The following NUP214 variants were observed in gnomAD, a reference collection of about 807,000 sequenced individuals.
NUP214 encodes nucleoporin 214.
NUP214 carries 79 observed loss-of-function variants against 196.2 expected under a neutral mutation model. That is an observed-to-expected ratio of 0.40 (90% CI 0.34 to 0.49). NUP214 has a LOEUF of 0.49. Among genes scored for constraint, NUP214 ranks in the 20% least tolerant of loss-of-function variants. The pLI, the probability that NUP214 is intolerant of heterozygous loss-of-function variation, is 0.58. For synonymous variants in NUP214, 1,020 were observed against 990.5 expected (o/e 1.03, Z -0.56); for missense variants, 2,468 against 2,539.0 (o/e 0.97, Z 0.60).
At chr9:131,177,958 C>G (rs992834777) in intron 23 of NUP214, among the ~76,000 whole-genome samples, 38 of 152,192 alleles carry the variant, frequency 2.5e-4, no homozygotes, top group African/African-American at 9.2e-4. Flanking sequence ...GGCAGAAATC[C>G]TGAGTCTAGA....
chr9:131,150,223 A>T, intron 14 of NUP214, 101 bp from the exon 15 acceptor site: 1 of 912,814 alleles, frequency 1.1e-6, no homozygotes, highest in South Asian at 1.5e-5. Flanking sequence ...TGAAGAAATA[A>T]TGACTGTGTT....
rs11244306 is a variant in NUP214, at chr9:131,160,086, A to T, written c.2540+600A>T. The stretch of plus-strand genomic sequence containing the variant: ...TATGGTCGCTTTTTTTCTTAACTAC[A>T]GAATACCCTGTAACCATTGACTAGC... On this transcript the variant is annotated intron_variant, in intron 18 of 35. Coordinates refer to ENST00000359428, the MANE Select transcript of NUP214 (RefSeq NM_005085.4). 2.7e-3 allele frequency among the ~76,000 whole-genome samples: 413 copies of T among 152,252 alleles called. 3 individuals are homozygous for T. Among genetic ancestry groups the T allele is most frequent in the African/African-American group, 9.6e-3 (398 of 41,560 alleles).
At chr9:131,138,987 A>G (rs1305038703) in intron 9 of NUP214, among the ~76,000 whole-genome samples, 1 of 152,170 alleles carries the variant, frequency 6.6e-6, no homozygotes, top group East Asian at 1.9e-4. Flanking sequence ...GGTACCTCAG[A>G]AAATGTTCAT....
At chr9:131,215,461 G>GAA (rs200066503) in intron 31 of NUP214, 93 bp downstream of exon 31, 4 of 1,273,866 alleles carry the variant, frequency 3.1e-6, no homozygotes, top group Non-Finnish European at 4.1e-6. Context: ...AATATAAAAA[G>GAA]AAAAAAAAAT....
intron 21 of NUP214, among the ~76,000 whole-genome samples, chr9:131,171,607 G>A (rs1417009324): frequency 6.8e-6 from 1 of 148,128 alleles, no homozygotes; most frequent in East Asian, 2.0e-4. Context: ...CAATGTGCAG[G>A]TTAGTTACAT....
At chr9:131,227,802 G>C (rs1485586011) in intron 32 of NUP214, among the ~76,000 whole-genome samples, 5 of 152,134 alleles carry the variant, frequency 3.3e-5, no homozygotes, top group Admixed American at 3.3e-4. Context: ...GGACCTGGGA[G>C]GGGTGGAAGG....
chr9:131,231,126 G>A (rs1170200213), intron 34 of NUP214, among the ~76,000 whole-genome samples: 2 of 152,144 alleles, frequency 1.3e-5, no homozygotes, highest in Admixed American at 1.3e-4. Flanking sequence ...TCCAGCCTGG[G>A]TGACAGAATG....
At chr9:131,157,491 G>A (rs1161408532) in intron 17 of NUP214, among the ~76,000 whole-genome samples, 1 of 127,666 alleles carries the variant, frequency 7.8e-6, no homozygotes, top group Non-Finnish European at 1.6e-5. Flanking sequence ...TTGAGAGAGA[G>A]TCTCACTCTG....
intron 21 of NUP214, among the ~76,000 whole-genome samples, chr9:131,168,475 A>G (rs924341924): frequency 4.6e-5 from 7 of 152,198 alleles, no homozygotes. Flanking sequence ...GAACATTTCC[A>G]TCACTTAAAA....
chr9:131,159,371 T>A lies in NUP214; in HGVS notation c.2437-12T>A. On this transcript the variant is annotated splice_polypyrimidine_tract_variant and intron_variant, in intron 17 of 35. Coordinates refer to ENST00000359428, the MANE Select transcript of NUP214 (RefSeq NM_005085.4). The stretch of plus-strand genomic sequence containing the variant: ...AAAACAAGTTATTTGCCTTTTAATT[T>A]TTTTCTTATAGGAAATTCGGCGCCT... The A allele has an allele frequency of 1.9e-6, 3 of 1,605,946 alleles. No individual in the cohort carries two copies. The highest frequency in any genetic ancestry group is 2.6e-6 in the Non-Finnish European group (3 of 1,175,380).
In NUP214 at chr9:131,208,550, A is replaced by T. The variant is rs1411426038; in HGVS notation, c.5593-6662A>T. Reference sequence around the variant, plus strand: ...GTCTCTATTAAAAATACAAAAAATTATCCAGGCGTGGTGGCGGGTGCCTGT... The same window carrying T: ...GTCTCTATTAAAAATACAAAAAATTTTCCAGGCGTGGTGGCGGGTGCCTGT... On this transcript the variant is annotated intron_variant, in intron 30 of 35. Coordinates refer to ENST00000359428, the MANE Select transcript of NUP214 (RefSeq NM_005085.4). Among the ~76,000 whole-genome samples, 3 of 151,944 alleles carry T rather than the reference A, an allele frequency of 2.0e-5. No individual in the cohort carries two copies. In the East Asian group the frequency reaches 5.8e-4, roughly 30 times the overall value.
chr9:131,126,483 G>A (rs1040173185), intron 1 of NUP214: 1 of 152,042 alleles, frequency 6.6e-6, no homozygotes, highest in South Asian at 2.1e-4. Context: ...AAGATTTTAG[G>A]CATCTGTGTG....
chr9:131,211,944 G>T (rs567162551), intron 30 of NUP214, among the ~76,000 whole-genome samples: 1 of 152,204 alleles, frequency 6.6e-6, no homozygotes, highest in African/African-American at 2.4e-5. Context: ...GGGCCTGACT[G>T]CCTGAGGGGC....
chr9:131,226,391 C>A (rs1228970725), intron 32 of NUP214, among the ~76,000 whole-genome samples: 1 of 151,976 alleles, frequency 6.6e-6, no homozygotes, highest in African/African-American at 2.4e-5. Context: ...TTGGCTGTGA[C>A]CCAGGTGTGT....
In NUP214 at chr9:131,132,657, G is replaced by C. The variant is rs747475458; in HGVS notation, c.725G>C (p.Arg242Thr). The C allele has an allele frequency of 8.7e-6, 14 of 1,613,586 alleles. No homozygotes were observed. Among genetic ancestry groups the C allele is most frequent in the Non-Finnish European group, 1.1e-5 (13 of 1,179,650 alleles). ...TTTTATGAGTCAGATCATCCTGTCA[G>C]AGGTAACAACTGCTTTTCTTATTGG... ...PPFYESDHPV[R>T]VLDVLWIGTY... The change falls in exon 6 of 36, where the codon AGA (arginine) becomes ACA (threonine). Residue 242 changes from arginine to threonine, a missense_variant and splice_region_variant. Physicochemically the swap from Arg to Thr is moderately conservative, Grantham distance 71. Transcript: ENST00000359428.
chr9:131,147,681 C>A, intron 14 of NUP214, 97 bp downstream of exon 14: 1 of 932,778 alleles, frequency 1.1e-6, no homozygotes, highest in Non-Finnish European at 1.7e-6. Flanking sequence ...ATAATTCAGA[C>A]CTTGGACATA....
chr9:131,143,490 A>G (rs1831988964), intron 11 of NUP214, among the ~76,000 whole-genome samples: 1 of 152,162 alleles, frequency 6.6e-6, no homozygotes, highest in Non-Finnish European at 1.5e-5. Context: ...ACCAGTGATA[A>G]AAAGTTTCAG....
rs775764600 is a variant in NUP214 at position 131,132,679 on chromosome 9, T to C, written c.727+20T>C. The C allele has an allele frequency of 3.1e-6, 5 of 1,604,302 alleles. No individual in the cohort carries two copies. The highest frequency in any genetic ancestry group is 1.7e-5 in the Admixed American group (1 of 60,016). ...TCAGAGGTAACAACTGCTTTTCTTA[T>C]TGGGCTGACCTCTAATGACATGTTA... On this transcript the variant is annotated intron_variant, in intron 6 of 35. Transcript: ENST00000359428.
chr9:131,204,978 A>G (rs1211372113), intron 30 of NUP214, among the ~76,000 whole-genome samples: 1 of 152,226 alleles, frequency 6.6e-6, no homozygotes, highest in Admixed American at 6.5e-5. Flanking sequence ...AGAACTGGCC[A>G]CCTAGCATTT....
Sources: allele counts gnomAD v4.1 joint callset (sites outside exome capture counted in the v4.1 genomes callset), GRCh38; gene constraint gnomAD v4.1.1; transcripts MANE v1.5; gene names NCBI Gene and HGNC (gene_info 2026-07-23, HGNC 2026-07-21).